ERMP1: variants seen among roughly 807,000 people sequenced by gnomAD.
The protein encoded by ERMP1 is Felix-ina.
ERMP1 carries 86 observed loss-of-function variants against 92.0 expected under a neutral mutation model. That is an observed-to-expected ratio of 0.93 (90% confidence interval 0.79 to 1.12). The LOEUF is 1.12. Among genes scored for constraint, ERMP1 ranks in the 50% most tolerant of loss-of-function variants. ERMP1 has a pLI of 0.00. For synonymous variants in ERMP1, 530 were observed against 412.8 expected (o/e 1.28, Z -3.44); for missense variants, 1,342 against 1,116.3 (o/e 1.20, Z -2.88).
At chr9:5,796,875 G>A (rs1359134602) in intron 13 of ERMP1, among the ~76,000 whole-genome samples, 2 of 152,088 alleles carry the variant, frequency 1.3e-5, no homozygotes, top group African/African-American at 4.8e-5. Flanking sequence ...GGGAACAACA[G>A]GCTTCGATTA....
intron 6 of ERMP1, among the ~76,000 whole-genome samples, chr9:5,856,823 AC>A (rs1256309737): frequency 6.6e-6 from 1 of 151,908 alleles, no homozygotes; most frequent in Non-Finnish European, 1.5e-5. Context: ...CTAATTTTGA[AC>A]TCACGCCCAA....
rs957045963 is a variant in ERMP1 at position 5,861,717 on chromosome 9, G to T, written n.3056-2106C>A. 1.4e-4 allele frequency among the ~76,000 whole-genome samples: 9 copies of T among 66,242 alleles called. No individual in the cohort carries two copies. The East Asian group carries it at 2.7e-3, about 20-fold the overall frequency. 43.5% of individuals were successfully genotyped at this position (66,242 alleles called of 152,430 possible). A position where few individuals can be genotyped will look rare whatever the true frequency, so the allele number is the denominator to read the frequency against. ...GTTGACCCCAGAGAAGAGAGGAAGG[G>T]TTTTTTTTTTTTTTTTTTTTTTTTG... On this transcript the variant is annotated intron_variant and non_coding_transcript_variant, in intron 5 of 6. Coordinates refer to the ERMP1 transcript ENST00000690753.
At chr9:5,803,236 A>C (rs1271073743) in intron 10 of ERMP1, among the ~76,000 whole-genome samples, 3 of 152,232 alleles carry the variant, frequency 2.0e-5, no homozygotes, top group African/African-American at 7.2e-5. Context: ...GCTACACATA[A>C]GTAAGAAAAT....
rs1554630238 is a variant in ERMP1 at position 5,861,199 on chromosome 9, G to GTGTGTGTGTA, written n.3056-1589_3056-1588insTACACACACA. On this transcript the variant is annotated intron_variant and non_coding_transcript_variant, in intron 5 of 6. Coordinates refer to the ERMP1 transcript ENST00000690753. ...TGTGTGTGTGTGTGTGTGTGTGTGT[G>GTGTGTGTGTA]TGTGTGTGTGTGTGTGTGTGTAAAA... Among the ~76,000 whole-genome samples the GTGTGTGTGTA allele has an allele frequency of 2.3e-4, 33 of 146,658 alleles. 1 individual carries two copies. Among genetic ancestry groups the GTGTGTGTGTA allele is most frequent in the African/African-American group, 8.3e-4 (32 of 38,358 alleles).
At chr9:5,802,124 T>C (rs1037132233) in intron 10 of ERMP1, among the ~76,000 whole-genome samples, 1 of 152,188 alleles carries the variant, frequency 6.6e-6, no homozygotes, top group African/African-American at 2.4e-5. Flanking sequence ...TTGTGAATAC[T>C]GAGAGAAAGA....
At chr9:5,809,930 A>G in intron 8 of ERMP1, 81 bp downstream of exon 8, 1 of 1,000,622 alleles carries the variant, frequency 1.0e-6, no homozygotes, top group Non-Finnish European at 1.5e-6. Flanking sequence ...TCAAAAGGCC[A>G]AATACAATGA....
chr9:5,838,010 AT>A (rs1169025255), upstream of ERMP1, among the ~76,000 whole-genome samples: 1 of 152,082 alleles, frequency 6.6e-6, no homozygotes, highest in Non-Finnish European at 1.5e-5. Context: ...AAGAAAGGGC[AT>A]TCCAAAAGGC....
At chr9:5,817,132 T>C (rs1249460464) in intron 4 of ERMP1, among the ~76,000 whole-genome samples, 1 of 152,080 alleles carries the variant, frequency 6.6e-6, no homozygotes, top group African/African-American at 2.4e-5. Context: ...TCTCCTGACC[T>C]CGTGATCCGC....
intron 5 of ERMP1, among the ~76,000 whole-genome samples, chr9:5,863,471 A>G (rs1830562071): frequency 6.6e-6 from 1 of 152,178 alleles, no homozygotes; most frequent in African/African-American, 2.4e-5. Context: ...TAAGAACCAG[A>G]GGGCAAAGCC....
intron 6 of ERMP1, chr9:5,856,164 G>C (rs562862456): frequency 3.3e-6 from 1 of 304,992 alleles, no homozygotes; most frequent in South Asian, 3.2e-5. Flanking sequence ...CAGGGCATTG[G>C]TTTGTCCTAA....
chr9:5,830,891 A>G lies in ERMP1; in HGVS notation c.476T>C (p.Val159Ala), dbSNP rs763992747. The G allele has an allele frequency of 6.2e-7, 1 of 1,614,168 alleles. No homozygotes were observed. Among genetic ancestry groups the G allele is most frequent in the South Asian group, 1.1e-5 (1 of 91,086 alleles). The stretch of plus-strand genomic sequence containing the variant: ...AGAGCCTGTGGGCCGTTGTACATCT[A>G]CTGAAATCTTATGAAGGCTGTTGCT... ...VQSNSLHKISVDVQRPTGSFS... is the reference protein window; with the variant it reads ...VQSNSLHKISADVQRPTGSFS... The change falls in exon 2 of 15, where the codon GTA becomes GCA. Residue 159 changes from valine (V) to alanine (A), a missense_variant. By Grantham distance (64) the Val-to-Ala change is moderately conservative. Coordinates refer to ENST00000339450, the MANE Select transcript of ERMP1 (RefSeq NM_024896.3).
intron 6 of ERMP1, among the ~76,000 whole-genome samples, chr9:5,848,945 C>G (rs1305451525): frequency 6.6e-6 from 1 of 152,196 alleles, no homozygotes; most frequent in Admixed American, 6.5e-5. Context: ...TCTGACCTAG[C>G]TGAGGAAACC....
intron 6 of ERMP1, among the ~76,000 whole-genome samples, chr9:5,850,206 G>C (rs1042340196): frequency 6.6e-6 from 1 of 151,874 alleles, no homozygotes; most frequent in Non-Finnish European, 1.5e-5. Flanking sequence ...AATTCCTCGA[G>C]ACCAGCCTGG....
intron 4 of ERMP1, among the ~76,000 whole-genome samples, chr9:5,823,143 G>A (rs1191483665): frequency 6.6e-6 from 1 of 151,988 alleles, no homozygotes; most frequent in Non-Finnish European, 1.5e-5. Context: ...TAAATAGCCA[G>A]GCGTGATAGC....
chr9:5,812,654 A>G (rs1829140201), intron 5 of ERMP1: 1 of 553,056 alleles, frequency 1.8e-6, no homozygotes, highest in South Asian at 2.0e-5. Context: ...GAGGTGCTAA[A>G]CAGTTCACCC....
In ERMP1 at chr9:5,829,752, C is replaced by T. The variant is rs1283482177; in HGVS notation, c.640+975G>A. Reference sequence around the variant, plus strand: ...AGTTTTGTCTCTGATCAGCGATGACCAGCTAGCTAAATGTACTCCTGTATC... The same window carrying T: ...AGTTTTGTCTCTGATCAGCGATGACTAGCTAGCTAAATGTACTCCTGTATC... On this transcript the variant is annotated intron_variant, in intron 2 of 14. Coordinates refer to ENST00000339450, the MANE Select transcript of ERMP1 (RefSeq NM_024896.3). Among the ~76,000 whole-genome samples, 13 of 152,270 alleles carry T rather than the reference C, an allele frequency of 8.5e-5. No homozygotes were observed. In the East Asian group the frequency reaches 2.5e-3, roughly 29 times the overall value.
intron 4 of ERMP1, among the ~76,000 whole-genome samples, chr9:5,815,655 C>T (rs933829896): frequency 3.3e-5 from 5 of 152,036 alleles, no homozygotes; most frequent in African/African-American, 9.7e-5. Context: ...ATTGCTAAAA[C>T]TAGGATCAAA....
At chr9:5,839,383 C>A (rs948827206) in intron 6 of ERMP1, among the ~76,000 whole-genome samples, 1 of 152,250 alleles carries the variant, frequency 6.6e-6, no homozygotes, top group African/African-American at 2.4e-5. Context: ...ACCCGGAAGT[C>A]TCTAGGGATT....
rs1468927854 is a variant in ERMP1, at chr9:5,787,229, G to T, written c.2630C>A (p.Pro877His). 1.4e-5 allele frequency: 23 copies of T among 1,613,950 alleles called. No homozygotes were observed. Among genetic ancestry groups the T allele is most frequent in the Non-Finnish European group, 1.8e-5 (21 of 1,179,964 alleles). ...HYLSGEDKRS[P>H]QLDALKEKFP... The stretch of plus-strand genomic sequence containing the variant: ...CTTTTCCTTCAGAGCATCCAGTTGA[G>T]GGGATCTCTTGTCTTCCCCAGACAG... Residue 877 changes from proline (P) to histidine (H), a missense_variant, in exon 15 of 15, where the codon CCT (proline) becomes CAT (histidine). Coordinates refer to ENST00000339450, the MANE Select transcript of ERMP1 (RefSeq NM_024896.3).
Sources: allele counts gnomAD v4.1 joint callset (sites outside exome capture counted in the v4.1 genomes callset), GRCh38; gene constraint gnomAD v4.1.1; transcripts MANE v1.5; gene names NCBI Gene and HGNC (gene_info 2026-07-23, HGNC 2026-07-21).